SPECC1: variants seen among roughly 807,000 people sequenced by gnomAD.
The protein encoded by SPECC1 is cytospin-B.
Under a neutral mutation model 104.1 loss-of-function variants are expected in SPECC1, and 62 were observed. The ratio of observed to expected loss-of-function variants is 0.60; its 90% CI spans 0.49 to 0.74. The LOEUF is 0.74. Ranked by LOEUF, SPECC1 falls within the 30% of genes least tolerant of loss-of-function variation. The pLI, the probability that SPECC1 is intolerant of heterozygous loss-of-function variation, is 0.00. For missense variants in SPECC1, 1,306 were observed against 1,310.5 expected (o/e 1.00, Z 0.05); for synonymous variants, 513 against 501.6 (o/e 1.02, Z -0.30).
intron 11 of SPECC1, among the ~76,000 whole-genome samples, chr17:20,258,863 A>T (rs927504601): frequency 2.6e-5 from 4 of 152,188 alleles, no homozygotes; most frequent in Non-Finnish European, 5.9e-5. Flanking sequence ...TAGTTTTTGT[A>T]CTGCTTTGTA....
At chr17:20,113,946 G>C (rs973642551) in intron 3 of SPECC1, among the ~76,000 whole-genome samples, 1 of 152,124 alleles carries the variant, frequency 6.6e-6, no homozygotes, top group African/African-American at 2.4e-5. Flanking sequence ...ATTAAATCCA[G>C]ATCTACTGCA....
chr17:20,139,982 T>C (rs1320002407), intron 3 of SPECC1, among the ~76,000 whole-genome samples: 1 of 152,142 alleles, frequency 6.6e-6, no homozygotes, highest in Non-Finnish European at 1.5e-5. Context: ...CCCACTTCTT[T>C]TTATTTCTTT....
intron 3 of SPECC1, among the ~76,000 whole-genome samples, chr17:20,152,549 A>G (rs974561331): frequency 2.0e-5 from 3 of 152,230 alleles, no homozygotes; most frequent in Admixed American, 6.5e-5. Flanking sequence ...GAGTGCCAGC[A>G]TGGCTGGGTT....
chr17:20,028,016 G>A (rs1197104152), intron 1 of SPECC1, among the ~76,000 whole-genome samples: 1 of 152,036 alleles, frequency 6.6e-6, no homozygotes, highest in Non-Finnish European at 1.5e-5. Context: ...AGATTTACCC[G>A]TATGTTTCCT....
intron 3 of SPECC1, among the ~76,000 whole-genome samples, chr17:20,131,751 G>A (rs2049649499): frequency 6.7e-6 from 1 of 150,168 alleles, no homozygotes. Flanking sequence ...CCGAGTTCAA[G>A]CAATTCTCCT....
chr17:20,062,067 C>T (rs1355513646), intron 1 of SPECC1, among the ~76,000 whole-genome samples: 13 of 151,760 alleles, frequency 8.6e-5, no homozygotes, highest in Admixed American at 7.2e-4. Context: ...CTGGCTAGCA[C>T]GGTGAAACCC....
chr17:20,100,354 G>A (rs916055170), intron 2 of SPECC1, among the ~76,000 whole-genome samples: 118 of 152,314 alleles, frequency 7.7e-4, no homozygotes, highest in African/African-American at 2.7e-3. Flanking sequence ...GGAAGTCAGA[G>A]AGCAGAAGAG....
chr17:20,280,611 G>GTTCTA (rs1348203801), intron 12 of SPECC1, among the ~76,000 whole-genome samples: 1 of 152,244 alleles, frequency 6.6e-6, no homozygotes, highest in African/African-American at 2.4e-5. Flanking sequence ...TGATGGGAAT[G>GTTCTA]TTCTATATCT....
At chr17:20,263,467 A>C (rs2040105116) in intron 12 of SPECC1, among the ~76,000 whole-genome samples, 1 of 151,576 alleles carries the variant, frequency 6.6e-6, no homozygotes, top group African/African-American at 2.4e-5. Context: ...ATATATACAT[A>C]TGTAACAAAC....
intron 7 of SPECC1, chr17:20,237,139 C>G (rs2038962358): frequency 7.3e-7 from 1 of 1,369,416 alleles, no homozygotes; most frequent in African/African-American, 1.5e-5. Context: ...ATTGAGCTGT[C>G]TTTTATTTGG....
At chr17:20,219,081 G>A (rs1157770378) in intron 4 of SPECC1, among the ~76,000 whole-genome samples, 2 of 152,100 alleles carry the variant, frequency 1.3e-5, no homozygotes, top group East Asian at 3.9e-4. Flanking sequence ...TCCAAGTCTT[G>A]GCTATTGTAA....
chr17:20,240,060 ATTTTTTTT>A (rs748689632), intron 7 of SPECC1, among the ~76,000 whole-genome samples: 3 of 32,180 alleles, frequency 9.3e-5, no homozygotes, highest in South Asian at 2.3e-3. Context: ...TGTCCAGCTA[ATTTTTTTT>A]TTTTTTTTTT....
intron 2 of SPECC1, among the ~76,000 whole-genome samples, chr17:20,097,701 T>C (rs2047720255): frequency 6.6e-6 from 1 of 152,226 alleles, no homozygotes; most frequent in African/African-American, 2.4e-5. Flanking sequence ...GCAGACACTC[T>C]TGGTGAAGAC....
At chr17:20,150,843 GAT>G (rs1478643176) in intron 3 of SPECC1, among the ~76,000 whole-genome samples, 1 of 151,844 alleles carries the variant, frequency 6.6e-6, no homozygotes, top group African/African-American at 2.4e-5. Context: ...CTATATTTCA[GAT>G]ATAGTTATTT....
Position 20,205,298 on chromosome 17 carries a change from G to A in SPECC1, c.1249G>A (p.Asp417Asn), listed in dbSNP as rs1175139911. 2 of 1,614,232 alleles carry A rather than the reference G, an allele frequency of 1.2e-6. No homozygotes were observed. The highest frequency in any genetic ancestry group is 8.5e-7 in the Non-Finnish European group (1 of 1,180,050). The change falls in exon 4 of 15, where the codon GAT becomes AAT. Residue 417 changes from aspartate (D) to asparagine (N), a missense_variant. Asp to Asn is a conservative substitution (Grantham distance 23). This residue lies in a region of SPECC1 where 1,177 missense variants were observed against 1,139.9 expected (regional missense o/e 1.03). Coordinates refer to ENST00000395527, the MANE Select transcript of SPECC1 (RefSeq NM_001243439.2). Reference sequence around the variant, plus strand: ...GACAGCTGAAAATGAGAAGCTGGTGGATGAAAAGACGATTTTAGAGACATC... The same window carrying A: ...GACAGCTGAAAATGAGAAGCTGGTGAATGAAAAGACGATTTTAGAGACATC... ...ELTAENEKLV[D>N]EKTILETSFH...
chr17:20,129,659 C>T (rs1404990765), intron 3 of SPECC1, among the ~76,000 whole-genome samples: 2 of 152,110 alleles, frequency 1.3e-5, no homozygotes, highest in Non-Finnish European at 1.5e-5. Context: ...TGATGAAGTC[C>T]AACTTGCTAA....
At chr17:20,062,211 C>A (rs543869264) in intron 1 of SPECC1, among the ~76,000 whole-genome samples, 1 of 151,152 alleles carries the variant, frequency 6.6e-6, no homozygotes, top group East Asian at 1.9e-4. Flanking sequence ...CGAGATCACG[C>A]CACTGCACTC....
At chr17:20,238,735 G>A (rs186424039) in intron 7 of SPECC1, 68 of 1,042,812 alleles carry the variant, frequency 6.5e-5, no homozygotes, top group Admixed American at 1.1e-4. Flanking sequence ...TTCATTTGCT[G>A]GATGTTTTCA....
In SPECC1 at chr17:20,122,691, C is replaced by A. The variant is rs568499031; in HGVS notation, c.283+12129C>A. 2.6e-5 allele frequency among the ~76,000 whole-genome samples: 4 copies of A among 152,252 alleles called. No individual in the cohort carries two copies. The East Asian group carries it at 7.7e-4, about 29-fold the overall frequency. On this transcript the variant is annotated intron_variant, in intron 3 of 14. Transcript: ENST00000395527. ...ACCATTCTGTTCTTTGTCTCTGAAT[C>A]TGACTGCTCTCAGTTCCTCATAGGA...
Sources: allele counts gnomAD v4.1 joint callset (sites outside exome capture counted in the v4.1 genomes callset), GRCh38; gene constraint gnomAD v4.1.1; regional missense constraint gnomAD v4.1.1; transcripts MANE v1.5; gene names NCBI Gene and HGNC (gene_info 2026-07-23, HGNC 2026-07-21).